The following FRMD4A variants were observed in gnomAD, a reference collection of about 807,000 sequenced individuals.
FRMD4A encodes the protein FERM domain-containing protein 4A.
FRMD4A carries 29 observed loss-of-function variants against 129.1 expected under a neutral mutation model. That is an observed-to-expected ratio of 0.22 (90% CI 0.17 to 0.31). The LOEUF (loss-of-function observed/expected upper bound fraction) is 0.31. FRMD4A is among the 10% of genes least tolerant of loss of function. The pLI, the probability that FRMD4A is intolerant of heterozygous loss-of-function variation, is 1.00. For synonymous variants in FRMD4A, 634 were observed against 571.6 expected (o/e 1.11, Z -1.56); for missense variants, 1,272 against 1,375.8 (o/e 0.92, Z 1.19).
chr10:13,939,246 C>T (rs780159306), intron 2 of FRMD4A, among the ~76,000 whole-genome samples: 1 of 152,076 alleles, frequency 6.6e-6, no homozygotes, highest in Non-Finnish European at 1.5e-5. Flanking sequence ...TCCTGGAGAG[C>T]GTTTAAGGTT....
At chr10:14,116,478 C>T (rs550740896) in intron 2 of FRMD4A, among the ~76,000 whole-genome samples, 20 of 152,166 alleles carry the variant, frequency 1.3e-4, no homozygotes, top group Admixed American at 6.5e-4. Flanking sequence ...GGAGAGTTAC[C>T]GCCAACCTTT....
At chr10:13,753,384 C>T (rs942317504) in intron 8 of FRMD4A, among the ~76,000 whole-genome samples, 6 of 152,226 alleles carry the variant, frequency 3.9e-5, no homozygotes, top group African/African-American at 1.4e-4. Context: ...TAGTGTGTGA[C>T]CATTCACAGA....
intron 2 of FRMD4A, among the ~76,000 whole-genome samples, chr10:13,880,689 C>T (rs2094536994): frequency 6.6e-6 from 1 of 152,098 alleles, no homozygotes; most frequent in Non-Finnish European, 1.5e-5. Flanking sequence ...TTGATGAATT[C>T]TGCCCTCTGC....
At chr10:14,233,884 A>G (rs1203210139) in intron 2 of FRMD4A, among the ~76,000 whole-genome samples, 1 of 152,234 alleles carries the variant, frequency 6.6e-6, no homozygotes, top group East Asian at 1.9e-4. Context: ...AAGGCTAGAG[A>G]GATGTTTCTG....
chr10:14,015,370 T>C lies in FRMD4A; in HGVS notation c.46-156458A>G, dbSNP rs371382904. Among the ~76,000 whole-genome samples, 9 of 149,682 alleles carry C rather than the reference T, an allele frequency of 6.0e-5. 1 individual carries two copies. The South Asian group carries it at 1.9e-3, about 32-fold the overall frequency. ...TCTTCCCTTCCCTTTTCTCCTTCCT[T>C]CCTTCCTTTTTCTCTTCCCCTCCCC... is the stretch of plus-strand genomic sequence containing the variant. On this transcript the variant is annotated intron_variant, in intron 2 of 24. Coordinates refer to ENST00000357447, the MANE Select transcript of FRMD4A (RefSeq NM_018027.5).
chr10:13,660,285 C>T, intron 20 of FRMD4A, 31 bp downstream of exon 20: 2 of 1,386,026 alleles, frequency 1.4e-6, no homozygotes, highest in Non-Finnish European at 2.1e-6. Flanking sequence ...AGAGGGAGGC[C>T]TCATTTGGCC....
At chr10:14,304,266 C>T (rs1014903293) in intron 2 of FRMD4A, among the ~76,000 whole-genome samples, 1 of 152,204 alleles carries the variant, frequency 6.6e-6, no homozygotes, top group African/African-American at 2.4e-5. Context: ...TGCGCAAGAG[C>T]TCCAGCTTCC....
chr10:14,264,865 T>C (rs1844924069), intron 2 of FRMD4A, among the ~76,000 whole-genome samples: 1 of 152,162 alleles, frequency 6.6e-6, no homozygotes, highest in Non-Finnish European at 1.5e-5. Flanking sequence ...CACTGCAATC[T>C]CCGCCTCCTG....
chr10:14,304,765 T>A (rs947988612), intron 2 of FRMD4A, among the ~76,000 whole-genome samples: 4 of 152,180 alleles, frequency 2.6e-5, no homozygotes, highest in Non-Finnish European at 5.9e-5. Context: ...CCACAGAGCA[T>A]ATTACAAATG....
intron 2 of FRMD4A, among the ~76,000 whole-genome samples, chr10:13,959,948 A>G (rs1290201105): frequency 1.3e-5 from 2 of 152,208 alleles, no homozygotes; most frequent in Non-Finnish European, 2.9e-5. Flanking sequence ...GATGCCGTGG[A>G]AAAGGCACCG....
At chr10:13,648,051 C>T (rs2081259238) in intron 24 of FRMD4A, 1 of 152,138 alleles carries the variant, frequency 6.6e-6, no homozygotes, top group Non-Finnish European at 1.5e-5. Context: ...ATCAGTCATC[C>T]CCAGCTTTCT....
chr10:14,118,319 G>A (rs964877710), intron 2 of FRMD4A, among the ~76,000 whole-genome samples: 6 of 152,160 alleles, frequency 3.9e-5, no homozygotes, highest in African/African-American at 7.2e-5. Context: ...CACTGAAAAG[G>A]TGAGAGGTCA....
chr10:13,888,790 G>C (rs947881689), intron 2 of FRMD4A, among the ~76,000 whole-genome samples: 1 of 152,178 alleles, frequency 6.6e-6, no homozygotes, highest in Non-Finnish European at 1.5e-5. Context: ...ATACTCTGTG[G>C]AGAGTAGTTT....
chr10:13,881,359 G>T (rs1589142850), intron 2 of FRMD4A, among the ~76,000 whole-genome samples: 1 of 152,014 alleles, frequency 6.6e-6, no homozygotes, highest in African/African-American at 2.4e-5. Flanking sequence ...GGAGTTCAAG[G>T]CTACAGTGAG....
At chr10:14,166,748 T>C (rs1160804445) in intron 2 of FRMD4A, among the ~76,000 whole-genome samples, 2 of 152,212 alleles carry the variant, frequency 1.3e-5, no homozygotes, top group African/African-American at 4.8e-5. Flanking sequence ...CCCCAAATAT[T>C]CTGCCTGATT....
chr10:13,695,577 T>C (rs985799462), intron 14 of FRMD4A, among the ~76,000 whole-genome samples: 1 of 152,252 alleles, frequency 6.6e-6, no homozygotes, highest in African/African-American at 2.4e-5. Context: ...GTGAGTGTGC[T>C]GAAGGCAACA....
At chr10:13,784,057 G>C (rs2092797689) in intron 5 of FRMD4A, among the ~76,000 whole-genome samples, 1 of 152,182 alleles carries the variant, frequency 6.6e-6, no homozygotes, top group African/African-American at 2.4e-5. Context: ...AGGGAAGAAG[G>C]TTCTGAGCAG....
At chr10:13,841,981 C>A (rs755639472) in intron 3 of FRMD4A, among the ~76,000 whole-genome samples, 1 of 152,128 alleles carries the variant, frequency 6.6e-6, no homozygotes, top group East Asian at 1.9e-4. Flanking sequence ...GCCAGAATTG[C>A]ACCGCGATAT....
intron 2 of FRMD4A, among the ~76,000 whole-genome samples, chr10:14,244,583 G>A (rs1472895397): frequency 1.3e-5 from 2 of 152,162 alleles, no homozygotes; most frequent in Non-Finnish European, 2.9e-5. Context: ...GGGATAATTT[G>A]TTACCATGTT....
Sources: allele counts gnomAD v4.1 joint callset (sites outside exome capture counted in the v4.1 genomes callset), GRCh38; gene constraint gnomAD v4.1.1; transcripts MANE v1.5; gene names NCBI Gene and HGNC (gene_info 2026-07-23, HGNC 2026-07-21).